The following CDH11 variants were observed in gnomAD, a reference collection of about 807,000 sequenced individuals.
The protein encoded by CDH11 is cadherin 11, also known as cadherin-11.
In CDH11, 11 loss-of-function variants were observed where a neutral mutation model predicts 67.8. The observed-to-expected ratio is 0.16, with a 90% CI of 0.10 to 0.27. The LOEUF is 0.27. Among genes scored for constraint, CDH11 ranks in the 10% least tolerant of loss-of-function variants. The probability of loss-of-function intolerance (pLI) is 1.00; values close to 1 mark genes in which losing one functional copy is unlikely to be tolerated. For missense variants in CDH11, 847 were observed against 1,031.2 expected, an observed-to-expected ratio of 0.82 and a Z score of 2.45; for synonymous variants, 419 against 400.0, an observed-to-expected ratio of 1.05 and a Z score of -0.57.
At chr16:65,075,950 C>T (rs1319654578) in intron 1 of CDH11, among the ~76,000 whole-genome samples, 1 of 152,186 alleles carries the variant, frequency 6.6e-6, no homozygotes, top group Admixed American at 6.5e-5. Context: ...TGGGCAGAGT[C>T]TAATACACAG....
chr16:65,001,620 C>G (rs1464394269), intron 3 of CDH11, among the ~76,000 whole-genome samples: 1 of 152,128 alleles, frequency 6.6e-6, no homozygotes, highest in Non-Finnish European at 1.5e-5. Flanking sequence ...TTAAATGGAT[C>G]TATTTCATGA....
At chr16:64,996,804 C>T (rs578254072) in intron 4 of CDH11, among the ~76,000 whole-genome samples, 177 of 152,224 alleles carry the variant, frequency 1.2e-3, no homozygotes, top group African/African-American at 4.3e-3. Flanking sequence ...AAACCAAATA[C>T]CACATGCTTT....
chr16:65,006,052 G>A (rs2073045960), intron 2 of CDH11, among the ~76,000 whole-genome samples: 1 of 150,582 alleles, frequency 6.6e-6, no homozygotes, highest in Admixed American at 6.6e-5. Context: ...CTTCTTCATT[G>A]GACTTTCTCA....
intron 1 of CDH11, among the ~76,000 whole-genome samples, chr16:65,087,071 T>C (rs10500507): frequency 0.068 from 10,379 of 152,224 alleles, 622 homozygotes; most frequent in African/African-American, 0.16. Flanking sequence ...TAGAATCTTT[T>C]GATACAGAGC....
chr16:65,054,142 A>G (rs2074103589), intron 1 of CDH11, among the ~76,000 whole-genome samples: 1 of 152,238 alleles, frequency 6.6e-6, no homozygotes, highest in Non-Finnish European at 1.5e-5. Context: ...GTGATTAACC[A>G]TACATGCGTT....
rs532940858 is a variant in CDH11, at chr16:65,071,333, C to A, written c.-297-17405G>T. 2.0e-5 allele frequency among the ~76,000 whole-genome samples: 3 copies of A among 152,240 alleles called. No individual in the cohort carries two copies. In the East Asian group the frequency reaches 5.8e-4, roughly 29 times the overall value. ...GGCAGCTGCACAACACACACGCACA[C>A]ACACAAACGCGTGCATACACACATG... On this transcript the variant is annotated intron_variant, in intron 1 of 12. Coordinates refer to ENST00000268603, the MANE Select transcript of CDH11 (RefSeq NM_001797.4).
intron 1 of CDH11, among the ~76,000 whole-genome samples, chr16:65,076,645 A>C (rs2074514393): frequency 6.6e-6 from 1 of 152,076 alleles, no homozygotes; most frequent in Non-Finnish European, 1.5e-5. Flanking sequence ...TGTCATCTAC[A>C]CTAGGTATTT....
At position 64,946,285 on chromosome 16, in the gene CDH11, A is replaced by T. The variant is rs543539467; in HGVS notation, c.*1318T>A. 12 of 1,046,304 alleles carry T rather than the reference A, an allele frequency of 1.1e-5. No homozygotes were observed. The Admixed American group carries it at 2.8e-4, about 24-fold the overall frequency. The allele number at this position is 1,046,304 out of a possible 1,614,324, so 64.8% of individuals were successfully genotyped here. A position where few individuals can be genotyped will look rare whatever the true frequency, so the allele number is the denominator to read the frequency against. ...AATAGCCTGGTAAGTTCAACAGAAG[A>T]AAAAATAGAATAACATTAGAGTCTG... On this transcript the variant is annotated 3_prime_UTR_variant, in exon 13 of 13. Coordinates refer to ENST00000268603, the MANE Select transcript of CDH11 (RefSeq NM_001797.4).
intron 1 of CDH11, among the ~76,000 whole-genome samples, chr16:65,078,373 C>T (rs1232582749): frequency 1.3e-5 from 2 of 152,166 alleles, no homozygotes; most frequent in Non-Finnish European, 2.9e-5. Flanking sequence ...ATTCGTGCTT[C>T]TGGTGGCATC....
At chr16:64,982,843 G>A (rs1444153225) in intron 7 of CDH11, 1 of 153,054 alleles carries the variant, frequency 6.5e-6, no homozygotes, top group Non-Finnish European at 1.5e-5. Flanking sequence ...CCCATAAGAT[G>A]ACATAGGGTG....
At chr16:64,961,159 A>G (rs2071664022) in intron 11 of CDH11, among the ~76,000 whole-genome samples, 1 of 152,170 alleles carries the variant, frequency 6.6e-6, no homozygotes, top group African/African-American at 2.4e-5. Flanking sequence ...TCTAAGAAAT[A>G]TCTAGAATTT....
At chr16:64,975,427 C>A (rs1341357977) in intron 8 of CDH11, among the ~76,000 whole-genome samples, 1 of 152,070 alleles carries the variant, frequency 6.6e-6, no homozygotes, top group Non-Finnish European at 1.5e-5. Flanking sequence ...GAAGAAGGAG[C>A]AGAGGAAACT....
At chr16:65,054,348 C>A (rs2074109348) in intron 1 of CDH11, among the ~76,000 whole-genome samples, 1 of 152,150 alleles carries the variant, frequency 6.6e-6, no homozygotes, top group Non-Finnish European at 1.5e-5. Flanking sequence ...AAGCACCGTT[C>A]TGGTGTTGAC....
chr16:65,062,561 A>G (rs939948759), intron 1 of CDH11, among the ~76,000 whole-genome samples: 2 of 152,204 alleles, frequency 1.3e-5, no homozygotes, highest in African/African-American at 4.8e-5. Flanking sequence ...GTTTCTCAAA[A>G]TTAAGTGGGA....
chr16:65,117,110 A>T (rs2075257514), intron 1 of CDH11, among the ~76,000 whole-genome samples: 1 of 152,256 alleles, frequency 6.6e-6, no homozygotes, highest in African/African-American at 2.4e-5. Context: ...TCCAATGGTA[A>T]GTGAACGTCA....
At chr16:65,100,602 G>T (rs1457804839) in intron 1 of CDH11, among the ~76,000 whole-genome samples, 1 of 151,878 alleles carries the variant, frequency 6.6e-6, no homozygotes, top group South Asian at 2.1e-4. Flanking sequence ...GCCGGGCGTC[G>T]TGGCGGGCGC....
chr16:65,053,069 A>AT (rs1266169099), intron 2 of CDH11, among the ~76,000 whole-genome samples: 4 of 152,214 alleles, frequency 2.6e-5, no homozygotes, highest in Non-Finnish European at 4.4e-5. Context: ...AGCCGTAGGC[A>AT]CTTGGATAAG....
At position 64,988,238 on chromosome 16, in the gene CDH11, A is replaced by T. The variant is rs1355574538; in HGVS notation, c.918T>A (p.Asn306Lys). ...ATTCCATACCATCTCCATCAACAAT[A>T]TTGTATGTGACTAAGCCATTTTCTC... Reference protein sequence around the residue: ...DIGENGLVTYNIVDGDGMESF... With the variant: ...DIGENGLVTYKIVDGDGMESF... The change falls in exon 7 of 13, where the codon AAT (asparagine) becomes AAA (lysine). Residue 306 changes from asparagine to lysine, a missense_variant. Asn to Lys is a moderately conservative substitution (Grantham distance 94). Around this residue, in one of 2 missense-constraint regions of CDH11, gnomAD observed 612 missense variants for 678.7 expected, o/e 0.90. Coordinates refer to ENST00000268603, the MANE Select transcript of CDH11 (RefSeq NM_001797.4). 1 of 1,613,542 alleles carries T rather than the reference A, an allele frequency of 6.2e-7. No homozygotes were observed. Among genetic ancestry groups the T allele is most frequent in the Non-Finnish European group, 8.5e-7 (1 of 1,179,600 alleles).
chr16:65,071,241 A>G (rs1332463528), intron 1 of CDH11, among the ~76,000 whole-genome samples: 1 of 152,208 alleles, frequency 6.6e-6, no homozygotes, highest in Non-Finnish European at 1.5e-5. Flanking sequence ...GATTCCATAC[A>G]ATGCCACAGA....
Sources: allele counts gnomAD v4.1 joint callset (sites outside exome capture counted in the v4.1 genomes callset), GRCh38; gene constraint gnomAD v4.1.1; regional missense constraint gnomAD v4.1.1; transcripts MANE v1.5; gene names NCBI Gene and HGNC (gene_info 2026-07-23, HGNC 2026-07-21).